ZFAND3: variants seen among roughly 807,000 people sequenced by gnomAD.
ZFAND3 encodes AN1-type zinc finger protein 3.
A neutral mutation model predicts 29.6 loss-of-function variants in ZFAND3; 10 were observed. The observed-to-expected ratio is 0.34, with a 90% CI of 0.21 to 0.57. The LOEUF (loss-of-function observed/expected upper bound fraction) is 0.57. Ranked by LOEUF, ZFAND3 falls within the 20% of genes least tolerant of loss-of-function variation. The pLI is 0.86. For synonymous variants in ZFAND3, 128 were observed against 112.6 expected (o/e 1.14, Z -0.87); for missense variants, 230 against 304.5 (o/e 0.76, Z 1.82).
In ZFAND3 at chr6:38,082,527, A is replaced by G. The variant is rs1052241567; in HGVS notation, c.361+70A>G. ...TCACAGAAGTTAGCAACTGGTTCTA[A>G]CTTGGTGTGCTTCTCAGGGTACTCT... On this transcript the variant is annotated intron_variant, in intron 4 of 5. Transcript: ENST00000287218. 2.4e-5 allele frequency: 35 copies of G among 1,456,104 alleles called. No homozygotes were observed. The African/African-American group carries it at 4.5e-4, about 19-fold the overall frequency. The allele number at this position is 1,456,104 out of a possible 1,614,324, so 90.2% of individuals were successfully genotyped here. A position where few individuals can be genotyped will look rare whatever the true frequency, so the allele number is the denominator to read the frequency against.
intron 3 of ZFAND3, among the ~76,000 whole-genome samples, chr6:38,079,807 A>G (rs1387824572): frequency 6.6e-6 from 1 of 152,130 alleles, no homozygotes; most frequent in African/African-American, 2.4e-5. Context: ...ATAAAAGTAC[A>G]CTAACTTCCT....
At chr6:37,859,396 T>A (rs1399311372) in intron 1 of ZFAND3, among the ~76,000 whole-genome samples, 1 of 152,222 alleles carries the variant, frequency 6.6e-6, no homozygotes, top group Non-Finnish European at 1.5e-5. Context: ...TATCTTCTGT[T>A]GCTGAACCCT....
At chr6:37,894,879 T>C (rs549900513) in intron 1 of ZFAND3, among the ~76,000 whole-genome samples, 41 of 152,216 alleles carry the variant, frequency 2.7e-4, no homozygotes, top group Non-Finnish European at 5.7e-4. Context: ...ACTGTCCTTA[T>C]CTTCTTTCGT....
intron 2 of ZFAND3, among the ~76,000 whole-genome samples, chr6:38,029,650 G>T (rs1763511671): frequency 6.6e-6 from 1 of 152,002 alleles, no homozygotes. Context: ...TAGATAAATA[G>T]GCAAAAATTT....
chr6:37,870,435 C>T (rs1764673736), intron 1 of ZFAND3, among the ~76,000 whole-genome samples: 1 of 151,516 alleles, frequency 6.6e-6, no homozygotes, highest in Admixed American at 6.6e-5. Flanking sequence ...AACCCCGCCT[C>T]TACTAAAAAT....
intron 2 of ZFAND3, among the ~76,000 whole-genome samples, chr6:37,976,533 G>A (rs1011026030): frequency 4.8e-5 from 7 of 144,960 alleles, no homozygotes; most frequent in Admixed American, 4.3e-4. Flanking sequence ...GCAGTGAGCC[G>A]AGATTGCGCC....
At chr6:38,146,894 A>G (rs1766120426) in intron 5 of ZFAND3, among the ~76,000 whole-genome samples, 1 of 152,224 alleles carries the variant, frequency 6.6e-6, no homozygotes, top group Non-Finnish European at 1.5e-5. Flanking sequence ...GAAAGTGTAG[A>G]TATGGGAATG....
chr6:38,137,481 C>T (rs985289228), intron 5 of ZFAND3, among the ~76,000 whole-genome samples: 1 of 152,186 alleles, frequency 6.6e-6, no homozygotes, highest in African/African-American at 2.4e-5. Context: ...AATGCTGACT[C>T]TATTTATTTA....
intron 1 of ZFAND3, among the ~76,000 whole-genome samples, chr6:37,891,731 C>A (rs985523127): frequency 6.6e-6 from 1 of 151,962 alleles, no homozygotes; most frequent in Admixed American, 6.6e-5. Context: ...ATACATTATT[C>A]TTTTTTGTTG....
chr6:38,111,574 C>T (rs899754171), intron 4 of ZFAND3, among the ~76,000 whole-genome samples: 1 of 152,140 alleles, frequency 6.6e-6, no homozygotes, highest in Non-Finnish European at 1.5e-5. Flanking sequence ...AAGACAACAA[C>T]GATGAAGACT....
intron 3 of ZFAND3, among the ~76,000 whole-genome samples, chr6:38,064,393 T>C (rs538663600): frequency 6.6e-6 from 1 of 152,382 alleles, no homozygotes; most frequent in African/African-American, 2.4e-5. Flanking sequence ...ATTATACTCA[T>C]TCCATAGATG....
At chr6:38,064,850 C>T (rs55990078) in intron 3 of ZFAND3, among the ~76,000 whole-genome samples, 1 of 151,966 alleles carries the variant, frequency 6.6e-6, no homozygotes, top group Non-Finnish European at 1.5e-5. Flanking sequence ...TTCTACAGAT[C>T]TAGGGAAATG....
At chr6:38,118,281 T>C (rs886112078) in intron 5 of ZFAND3, among the ~76,000 whole-genome samples, 2 of 152,206 alleles carry the variant, frequency 1.3e-5, no homozygotes, top group African/African-American at 2.4e-5. Flanking sequence ...CTGAGGAAAC[T>C]CTGGGCTCTG....
chr6:37,934,634 C>G (rs187163268), intron 2 of ZFAND3, among the ~76,000 whole-genome samples: 3 of 150,836 alleles, frequency 2.0e-5, no homozygotes, highest in African/African-American at 7.3e-5. Context: ...GTCAGGAGTT[C>G]GAGACTAGCC....
At chr6:37,860,639 T>G (rs910221393) in intron 1 of ZFAND3, among the ~76,000 whole-genome samples, 14 of 119,388 alleles carry the variant, frequency 1.2e-4, no homozygotes, top group Non-Finnish European at 2.3e-4. Flanking sequence ...TTCACTTAGT[T>G]TTTTTTTTTT....
At chr6:37,973,389 T>C (rs1275149208) in intron 2 of ZFAND3, among the ~76,000 whole-genome samples, 1 of 152,204 alleles carries the variant, frequency 6.6e-6, no homozygotes, top group Non-Finnish European at 1.5e-5. Context: ...TGAAAGTTTC[T>C]GAAGAACTAA....
chr6:38,111,840 C>G (rs1765323817), intron 4 of ZFAND3, among the ~76,000 whole-genome samples: 1 of 151,964 alleles, frequency 6.6e-6, no homozygotes, highest in Admixed American at 6.6e-5. Flanking sequence ...CGCCCCAAAC[C>G]CCATGTTGTT....
At chr6:37,943,113 A>T (rs1050711530) in intron 2 of ZFAND3, among the ~76,000 whole-genome samples, 10 of 152,148 alleles carry the variant, frequency 6.6e-5, no homozygotes, top group African/African-American at 2.4e-4. Flanking sequence ...TTTCTAGAAA[A>T]ATGATGTCTG....
chr6:37,888,081 G>A (rs1765027665), intron 1 of ZFAND3, among the ~76,000 whole-genome samples: 1 of 152,106 alleles, frequency 6.6e-6, no homozygotes, highest in Non-Finnish European at 1.5e-5. Flanking sequence ...TGGAAGTTAA[G>A]GATTTTTTTT....
Sources: allele counts gnomAD v4.1 joint callset (sites outside exome capture counted in the v4.1 genomes callset), GRCh38; gene constraint gnomAD v4.1.1; transcripts MANE v1.5; gene names NCBI Gene and HGNC (gene_info 2026-07-23, HGNC 2026-07-21).